The following LILRB1 variants were observed in gnomAD, a reference collection of about 807,000 sequenced individuals.
The protein encoded by LILRB1 is leukocyte immunoglobulin like receptor B1.
LILRB1 carries 59 observed loss-of-function variants against 74.6 expected under a neutral mutation model. The observed-to-expected ratio is 0.79, with a 90% CI of 0.64 to 0.98. The LOEUF (loss-of-function observed/expected upper bound fraction) is 0.98, where lower values mean the gene tolerates loss of function less well. Ranked by LOEUF, LILRB1 falls within the 50% of genes least tolerant of loss-of-function variation. The pLI, the probability that LILRB1 is intolerant of heterozygous loss-of-function variation, is 0.00. For missense variants in LILRB1, 804 were observed against 822.6 expected (o/e 0.98, Z 0.28); for synonymous variants, 328 against 333.9 (o/e 0.98, Z 0.19).
At position 54,631,735 on chromosome 19, in the gene LILRB1, C is replaced by T. The variant is rs187037404; in HGVS notation, c.306C>T (p.Ser102=). The T allele has an allele frequency of 6.0e-4, 967 of 1,614,094 alleles. No homozygotes were observed. In the African/African-American group the frequency reaches 0.011, roughly 19 times the overall value. ...GGCGGTATCGCTGTTACTATGGTAG[C>T]GACACTGCAGGCCGCTCAGAGAGCA... ...HTGRYRCYYG[S]DTAGRSESSD... is the part of the protein sequence containing the mutation. Residue 102 remains serine (S), a synonymous_variant, in exon 4 of 15, where the codon AGC becomes AGT. Transcript: ENST00000324602.
At chr19:54,626,811 GA>G (rs1224214743), upstream of LILRB1, among the ~76,000 whole-genome samples, 3 of 152,194 alleles carry the variant, frequency 2.0e-5, no homozygotes, top group African/African-American at 7.2e-5. Context: ...AGCTGATGAG[GA>G]GCATTGCTGT....
chr19:54,617,188 A>G (rs962251895), exon 1 of LILRB1: 1 of 152,272 alleles, frequency 6.6e-6, no homozygotes, highest in Admixed American at 6.5e-5. Flanking sequence ...GAGGAACAGA[A>G]AAGAAAAGAA....
chr19:54,637,291 GC>G lies in LILRB1; in HGVS notation c.*415del, dbSNP rs1482382479. ...GCCTGTAATTCCAGCACTTTGGGAG[GC>G]CGAGGCGGGCAGATCACGAGTTCAG... On this transcript the variant is annotated 3_prime_UTR_variant, in exon 15 of 15. Coordinates refer to ENST00000324602, the MANE Select transcript of LILRB1 (RefSeq NM_001081637.3). 1 of 173,038 alleles carries G rather than the reference GC, an allele frequency of 5.8e-6. No homozygotes were observed. The highest frequency in any genetic ancestry group is 1.2e-5 in the Non-Finnish European group (1 of 80,284). The allele number at this position is 173,038 out of a possible 1,614,324, so 10.7% of individuals were successfully genotyped here.
chr19:54,619,802 C>CT (rs1414586683), intron 1 of LILRB1, among the ~76,000 whole-genome samples: 3 of 151,814 alleles, frequency 2.0e-5, no homozygotes, highest in Non-Finnish European at 4.4e-5. Context: ...CATCAGTTGT[C>CT]TTTTTTAAAA....
chr19:54,621,854 G>T (rs149920106), intron 1 of LILRB1, among the ~76,000 whole-genome samples: 4 of 152,212 alleles, frequency 2.6e-5, no homozygotes, highest in African/African-American at 9.6e-5. Flanking sequence ...ATCTTGAGTT[G>T]ATTTTTGTAC....
At chr19:54,631,847 T>A in intron 4 of LILRB1, 60 bp downstream of exon 4, 1 of 1,605,794 alleles carries the variant, frequency 6.2e-7, no homozygotes, top group South Asian at 1.1e-5. Flanking sequence ...GGGACGGCTC[T>A]CAGGGGCTTC....
rs1219606417 is a variant in LILRB1 at position 54,637,915 on chromosome 19, C to T, written c.*1037C>T. ...TCTAAACTGGAGTTTACATAATGAA[C>T]ATAAGAGTAATCAGAGAATCTGACT... On this transcript the variant is annotated 3_prime_UTR_variant, in exon 15 of 15. Transcript: ENST00000324602. Among the ~76,000 whole-genome samples, 1 of 152,062 alleles carries T rather than the reference C, an allele frequency of 6.6e-6. No homozygotes were observed. The highest frequency in any genetic ancestry group is 2.4e-5 in the African/African-American group (1 of 41,384).
intron 1 of LILRB1, among the ~76,000 whole-genome samples, chr19:54,623,861 C>A (rs150233911): frequency 0.033 from 5,040 of 152,294 alleles, 106 homozygotes; most frequent in South Asian, 0.053. Context: ...TCCCCCGGCC[C>A]CGCAGGGAGG....
At chr19:54,626,382 T>C (rs150185674), upstream of LILRB1, among the ~76,000 whole-genome samples, 1,660 of 152,342 alleles carry the variant, frequency 0.011, 20 homozygotes, top group Non-Finnish European at 0.015. Context: ...TGTAAAAATG[T>C]CAACCATTTT....
chr19:54,622,077 A>T (rs2063472284), intron 1 of LILRB1, among the ~76,000 whole-genome samples: 3 of 152,150 alleles, frequency 2.0e-5, no homozygotes, highest in Non-Finnish European at 4.4e-5. Context: ...ATGCTGTCTT[A>T]GTTACTATGG....
chr19:54,627,316 T>C (rs2063620474), upstream of LILRB1, among the ~76,000 whole-genome samples: 1 of 152,216 alleles, frequency 6.6e-6, no homozygotes, highest in Middle Eastern at 3.4e-3. Flanking sequence ...AACTCTCAGG[T>C]TAAACTTCGT....
At position 54,631,804 on chromosome 19, in the gene LILRB1, G is replaced by C. The variant is rs2146251924; in HGVS notation, c.358+17G>C. On this transcript the variant is annotated intron_variant, in intron 4 of 14. Coordinates refer to ENST00000324602, the MANE Select transcript of LILRB1 (RefSeq NM_001081637.3). Reference sequence around the variant, plus strand: ...TGGTGACAGGTGAGCTGACACTCAGGGGTCCCAGCCCCAGACTCTGCCCTC... The same window carrying C: ...TGGTGACAGGTGAGCTGACACTCAGCGGTCCCAGCCCCAGACTCTGCCCTC... 3 of 1,613,328 alleles carry C rather than the reference G, an allele frequency of 1.9e-6. No homozygotes were observed. The East Asian group carries it at 6.7e-5, about 36-fold the overall frequency.
upstream of LILRB1, among the ~76,000 whole-genome samples, chr19:54,628,487 C>T (rs533506891): frequency 2.0e-5 from 3 of 152,224 alleles, no homozygotes; most frequent in South Asian, 6.2e-4. Context: ...AAGTTGGGGA[C>T]CCTATGACCA....
upstream of LILRB1, among the ~76,000 whole-genome samples, chr19:54,628,051 G>T (rs1411497618): frequency 6.6e-6 from 1 of 152,182 alleles, no homozygotes; most frequent in Non-Finnish European, 1.5e-5. Context: ...CTACTGCTCT[G>T]TCCGGTTTCC....
chr19:54,634,959 T>C (rs2064262509), intron 10 of LILRB1, 145 bp from the exon 11 acceptor site: 1 of 1,443,086 alleles, frequency 6.9e-7, no homozygotes, highest in South Asian at 1.4e-5. Flanking sequence ...ATGTAAAGTG[T>C]CCTTCGGGCT....
At chr19:54,622,476 G>A (rs1425171515) in intron 1 of LILRB1, among the ~76,000 whole-genome samples, 2 of 152,176 alleles carry the variant, frequency 1.3e-5, no homozygotes, top group South Asian at 2.1e-4. Context: ...CAGCTTGAAC[G>A]GTACTGATGT....
Position 54,635,023 on chromosome 19 carries a change from C to T in LILRB1, c.1487-81C>T, listed in dbSNP as rs190883150. On this transcript the variant is annotated intron_variant, in intron 10 of 14. Coordinates refer to ENST00000324602, the MANE Select transcript of LILRB1 (RefSeq NM_001081637.3). ...TGGAGGCAGGAGTGTTTTTAGGTTTCCTTCCTTACCTTCGAGCTGTGTGTG... is the reference window on the plus strand; with the variant it reads ...TGGAGGCAGGAGTGTTTTTAGGTTTTCTTCCTTACCTTCGAGCTGTGTGTG... 1.9e-3 allele frequency: 2,457 copies of T among 1,323,422 alleles called. 33 individuals are homozygous for T. In the African/African-American group the frequency reaches 0.032, roughly 17 times the overall value. The allele number at this position is 1,323,422 out of a possible 1,614,324, so 82.0% of individuals were successfully genotyped here.
At chr19:54,631,219 G>C (rs1446228174) in intron 2 of LILRB1, 52 bp from the exon 3 acceptor site, 21 of 1,613,954 alleles carry the variant, frequency 1.3e-5, no homozygotes, top group Admixed American at 1.7e-5. Context: ...AGGGAGGGGA[G>C]GACCTGCCCA....
At position 54,637,407 on chromosome 19, in the gene LILRB1, C is replaced by A. The variant is rs2064529927; in HGVS notation, c.*529C>A. 6.4e-6 allele frequency: 1 copy of A among 155,390 alleles called. No individual in the cohort carries two copies. The highest frequency in any genetic ancestry group is 6.2e-5 in the Admixed American group (1 of 16,050). The allele number at this position is 155,390 out of a possible 1,614,324, so 9.6% of individuals were successfully genotyped here. ...TGGATGTGGTGGCAGTGCCTGTAAT[C>A]CCAGCTATTTGGGAGGCTGAGGCAG... On this transcript the variant is annotated 3_prime_UTR_variant, in exon 15 of 15. Coordinates refer to ENST00000324602, the MANE Select transcript of LILRB1 (RefSeq NM_001081637.3).
Sources: gnomAD v4.1 joint callset for allele counts (sites outside exome capture counted in the v4.1 genomes callset) on GRCh38, gnomAD v4.1.1 for gene constraint, MANE v1.5 for transcripts, NCBI Gene and HGNC (gene_info 2026-07-23, HGNC 2026-07-21) for gene names.